MYT1L: variants seen among roughly 807,000 people sequenced by gnomAD.
The protein encoded by MYT1L is myelin transcription factor 1-like protein.
In MYT1L, 12 loss-of-function variants were observed where a neutral mutation model predicts 126.7. The ratio of observed to expected loss-of-function variants is 0.09; its 90% CI spans 0.06 to 0.15. MYT1L has a LOEUF of 0.15. Among genes scored for constraint, MYT1L ranks in the 10% least tolerant of loss-of-function variants. MYT1L has a pLI of 1.00. For synonymous variants in MYT1L, 541 were observed against 604.2 expected (o/e 0.90, Z 1.53); for missense variants, 979 against 1,585.2 (o/e 0.62, Z 6.49).
chr2:2,037,841 T>C (rs2067056661), intron 4 of MYT1L, among the ~76,000 whole-genome samples: 1 of 151,886 alleles, frequency 6.6e-6, no homozygotes, highest in African/African-American at 2.4e-5. Flanking sequence ...AACTATATAT[T>C]CAAAACTACA....
At chr2:2,006,556 C>T (rs1010686273) in intron 4 of MYT1L, among the ~76,000 whole-genome samples, 8 of 152,016 alleles carry the variant, frequency 5.3e-5, no homozygotes, top group South Asian at 2.1e-4. Flanking sequence ...CTCTCACCTA[C>T]GTGTATTTGA....
chr2:1,968,645 G>A (rs555384932), intron 8 of MYT1L, among the ~76,000 whole-genome samples: 2 of 152,158 alleles, frequency 1.3e-5, no homozygotes, highest in Non-Finnish European at 1.5e-5. Context: ...AGAGGCTTGC[G>A]AAGGCTCACA....
At chr2:1,926,518 A>C (rs2149134467) in intron 9 of MYT1L, among the ~76,000 whole-genome samples, 1 of 152,312 alleles carries the variant, frequency 6.6e-6, no homozygotes. Context: ...CCACAAAATG[A>C]ACATTCCAAC....
intron 2 of MYT1L, among the ~76,000 whole-genome samples, chr2:2,237,773 G>A (rs1044398888): frequency 4.6e-5 from 7 of 152,174 alleles, no homozygotes; most frequent in South Asian, 2.1e-4. Context: ...TCAGGGTCAC[G>A]TGGGCTGCAT....
intron 18 of MYT1L, among the ~76,000 whole-genome samples, chr2:1,859,369 T>G (rs1156500944): frequency 1.3e-5 from 2 of 152,224 alleles, no homozygotes; most frequent in Non-Finnish European, 2.9e-5. Context: ...GGAAATAATT[T>G]TAAAAGTACC....
At chr2:2,040,199 T>A (rs980675122) in intron 4 of MYT1L, among the ~76,000 whole-genome samples, 11 of 152,158 alleles carry the variant, frequency 7.2e-5, no homozygotes, top group Admixed American at 6.5e-4. Context: ...TGGAAACTAG[T>A]GATGTGTCCT....
intron 8 of MYT1L, among the ~76,000 whole-genome samples, chr2:1,961,436 A>G (rs1189324059): frequency 1.3e-5 from 2 of 152,234 alleles, no homozygotes; most frequent in African/African-American, 4.8e-5. Flanking sequence ...AGTGAGCTGT[A>G]TCTGTCCCTG....
chr2:1,815,953 T>A lies in MYT1L; in HGVS notation c.3081-6786A>T, dbSNP rs143472732. On this transcript the variant is annotated intron_variant, in intron 21 of 24. Transcript: ENST00000647738. ...GCTCCCTGTGCATCAGCACGCTTCATCACCAATGGAACGCCCCATGGCACA... is the reference window on the plus strand; with the variant it reads ...GCTCCCTGTGCATCAGCACGCTTCAACACCAATGGAACGCCCCATGGCACA... Among the ~76,000 whole-genome samples the A allele has an allele frequency of 4.7e-3, 712 of 152,328 alleles. 6 individuals carry two copies. The highest frequency in any genetic ancestry group is 0.016 in the African/African-American group (659 of 41,570).
At chr2:2,015,349 A>T (rs1239729286) in intron 4 of MYT1L, among the ~76,000 whole-genome samples, 1 of 152,114 alleles carries the variant, frequency 6.6e-6, no homozygotes, top group Non-Finnish European at 1.5e-5. Flanking sequence ...TCCTCACAAA[A>T]AGGCCACGTT....
chr2:1,830,992 G>A (rs894791575), intron 21 of MYT1L, among the ~76,000 whole-genome samples: 2 of 152,152 alleles, frequency 1.3e-5, no homozygotes, highest in African/African-American at 4.8e-5. Flanking sequence ...CTGAGTGTTG[G>A]GGACAAAAGT....
chr2:2,004,337 A>G (rs150033309), intron 4 of MYT1L, among the ~76,000 whole-genome samples: 2,902 of 28,088 alleles, frequency 0.1, 146 homozygotes, highest in Non-Finnish European at 0.13. Flanking sequence ...TTTCCTGCAT[A>G]CGTTCTTTCC....
At chr2:2,032,673 A>AC (rs1274275603) in intron 4 of MYT1L, among the ~76,000 whole-genome samples, 3 of 110,440 alleles carry the variant, frequency 2.7e-5, no homozygotes, top group Admixed American at 9.4e-5. Flanking sequence ...CCTTACACAC[A>AC]CCCCTCGCAA....
In MYT1L at chr2:1,979,217, G is replaced by A. The variant is rs776290224; in HGVS notation, c.100C>T (p.Pro34Ser). ...AIQELFSCPT[P>S]GCDGSGHVSG... ...ACATGACCACTGCCGTCACAGCCAGGGGTGGGACAGCTGCAACAGGAAAGA... is the reference window on the plus strand; with the variant it reads ...ACATGACCACTGCCGTCACAGCCAGAGGTGGGACAGCTGCAACAGGAAAGA... Residue 34 changes from proline (P) to serine (S), a missense_variant, in exon 8 of 25, where the codon CCT becomes TCT. Transcript: ENST00000647738. The surrounding 1 kb of genome is among the most constrained non-coding windows in gnomAD (Gnocchi z 4.0). The A allele has an allele frequency of 3.1e-6, 5 of 1,613,890 alleles. No individual in the cohort carries two copies. Among genetic ancestry groups the A allele is most frequent in the Non-Finnish European group, 3.4e-6 (4 of 1,179,874 alleles).
intron 18 of MYT1L, among the ~76,000 whole-genome samples, chr2:1,867,629 G>C (rs960704857): frequency 2.6e-5 from 4 of 152,192 alleles, no homozygotes; most frequent in Non-Finnish European, 5.9e-5. Context: ...GTTTCTGGGG[G>C]TGGGGGACCT....
chr2:1,888,606 A>G (rs2048441880), intron 16 of MYT1L, among the ~76,000 whole-genome samples: 1 of 152,240 alleles, frequency 6.6e-6, no homozygotes, highest in African/African-American at 2.4e-5. Flanking sequence ...GTACATAAAG[A>G]AAACATTTTT....
intron 8 of MYT1L, among the ~76,000 whole-genome samples, chr2:1,963,424 A>G (rs2059117112): frequency 6.6e-6 from 1 of 152,250 alleles, no homozygotes; most frequent in Non-Finnish European, 1.5e-5. Flanking sequence ...GCTTCAGTTT[A>G]AAGTCACCAA....
intron 2 of MYT1L, among the ~76,000 whole-genome samples, chr2:2,270,227 G>A (rs979851396): frequency 3.3e-5 from 5 of 152,176 alleles, no homozygotes; most frequent in Non-Finnish European, 5.9e-5. Context: ...TCTGGACTTC[G>A]GAGCCTCCAG....
chr2:2,027,338 C>A (rs1458038601), intron 4 of MYT1L, among the ~76,000 whole-genome samples: 1 of 152,134 alleles, frequency 6.6e-6, no homozygotes, highest in Non-Finnish European at 1.5e-5. Context: ...TGTTGTAGCC[C>A]ACCACAGGCT....
chr2:1,990,527 G>A (rs1380411331), intron 5 of MYT1L, among the ~76,000 whole-genome samples: 2 of 152,192 alleles, frequency 1.3e-5, no homozygotes, highest in Non-Finnish European at 2.9e-5. Flanking sequence ...CAGTGGGGAA[G>A]AGTGGGGTAA....
Sources: allele counts gnomAD v4.1 joint callset (sites outside exome capture counted in the v4.1 genomes callset), GRCh38; gene constraint gnomAD v4.1.1; non-coding constraint Gnocchi (gnomAD v3.1); transcripts MANE v1.5; gene names NCBI Gene and HGNC (gene_info 2026-07-23, HGNC 2026-07-21).